FTCDNL1: variants seen among roughly 807,000 people sequenced by gnomAD.
FTCDNL1 encodes formiminotransferase cyclodeaminase N-terminal like.
Under a neutral mutation model 5.9 loss-of-function variants are expected in FTCDNL1, and 11 were observed. The ratio of observed to expected loss-of-function variants is 1.87; its 90% CI spans 1.18 to 3.10. FTCDNL1 has a LOEUF of 3.10. Ranked by LOEUF, FTCDNL1 falls within the 30% of genes most tolerant of loss-of-function variation. The probability of loss-of-function intolerance (pLI) is 0.00; values close to 1 mark genes in which losing one functional copy is unlikely to be tolerated. For missense variants in FTCDNL1, 115 were observed against 65.5 expected (o/e 1.76, Z -2.61); for synonymous variants, 58 against 24.8 (o/e 2.34, Z -3.99).
At chr2:199,720,608 T>C in the FTCDNL1 span, among the ~76,000 whole-genome samples, 6 of 152,226 alleles carry the variant, frequency 3.9e-5, no homozygotes, top group Non-Finnish European at 7.3e-5. Flanking sequence ...TCACTGCTTT[T>C]ATCTTCACAT....
the FTCDNL1 span, among the ~76,000 whole-genome samples, chr2:199,712,346 A>G: frequency 6.6e-6 from 1 of 152,294 alleles, no homozygotes; most frequent in South Asian, 2.1e-4. Context: ...ATTAACTTCA[A>G]CTGGCACTTT....
chr2:199,788,248 T>G (rs1293344576), intron 3 of FTCDNL1, among the ~76,000 whole-genome samples: 1 of 152,176 alleles, frequency 6.6e-6, no homozygotes, highest in East Asian at 1.9e-4. Flanking sequence ...TGCTCTGCCC[T>G]CCCCAAAGGC....
the FTCDNL1 span, among the ~76,000 whole-genome samples, chr2:199,679,919 A>G: frequency 2.6e-5 from 4 of 152,188 alleles, no homozygotes; most frequent in Non-Finnish European, 5.9e-5. Flanking sequence ...TTTATTTTAT[A>G]TATGCATTCA....
chr2:199,768,728 C>T (rs1698659412), intron 3 of FTCDNL1, among the ~76,000 whole-genome samples: 2 of 152,110 alleles, frequency 1.3e-5, no homozygotes, highest in African/African-American at 4.8e-5. Flanking sequence ...GCATTGGAGG[C>T]CTACCAGGGT....
the FTCDNL1 span, among the ~76,000 whole-genome samples, chr2:199,665,252 G>A: frequency 6.6e-5 from 10 of 152,220 alleles, no homozygotes; most frequent in Middle Eastern, 3.4e-3. Context: ...TTCAGCCTCC[G>A]TCACCAGTGT....
chr2:199,770,083 T>C (rs1297854462), intron 3 of FTCDNL1, among the ~76,000 whole-genome samples: 1 of 152,180 alleles, frequency 6.6e-6, no homozygotes, highest in African/African-American at 2.4e-5. Flanking sequence ...TTGTCCTCTG[T>C]TTCAGGCCTC....
chr2:199,758,138 T>C (rs771152045), downstream of FTCDNL1, among the ~76,000 whole-genome samples: 14 of 152,020 alleles, frequency 9.2e-5, no homozygotes, highest in Admixed American at 3.3e-4. Context: ...ATTTTTATGA[T>C]CCTCAGAGGG....
intron 3 of FTCDNL1, among the ~76,000 whole-genome samples, chr2:199,776,537 A>G (rs796888766): frequency 1.1e-4 from 17 of 152,334 alleles, no homozygotes; most frequent in African/African-American, 3.8e-4. Context: ...TTAACTAAAC[A>G]TCTTGGCATC....
the FTCDNL1 span, among the ~76,000 whole-genome samples, chr2:199,735,121 A>AAAAAAC: frequency 2.0e-5 from 3 of 150,964 alleles, no homozygotes; most frequent in South Asian, 4.2e-4. Context: ...TTTAGAAAAA[A>AAAAAAC]AAAAAAAAAA....
chr2:199,674,525 A>G, the FTCDNL1 span, among the ~76,000 whole-genome samples: 1 of 152,194 alleles, frequency 6.6e-6, no homozygotes. Flanking sequence ...ATCACTCTTC[A>G]ATGCAATTTA....
At chr2:199,793,237 G>T (rs1700014997) in intron 3 of FTCDNL1, among the ~76,000 whole-genome samples, 1 of 152,124 alleles carries the variant, frequency 6.6e-6, no homozygotes, top group Admixed American at 6.6e-5. Flanking sequence ...AATAATACAT[G>T]AGATCAGAAA....
chr2:199,673,702 G>T, the FTCDNL1 span, among the ~76,000 whole-genome samples: 1 of 152,106 alleles, frequency 6.6e-6, no homozygotes, highest in Admixed American at 6.6e-5. Flanking sequence ...ATATAAGAAA[G>T]AAAAATAACC....
chr2:199,675,452 TAATA>T, the FTCDNL1 span, among the ~76,000 whole-genome samples: 6 of 152,194 alleles, frequency 3.9e-5, no homozygotes, highest in Admixed American at 3.9e-4. Context: ...TTAATCTTGT[TAATA>T]AATTAATTAA....
chr2:199,776,960 G>A (rs556213456), intron 3 of FTCDNL1, among the ~76,000 whole-genome samples: 597 of 12,366 alleles, frequency 0.048, 5 homozygotes, highest in African/African-American at 0.057. Flanking sequence ...GTGTGTATAT[G>A]TGTGTGTGTG....
chr2:199,740,328 G>A, the FTCDNL1 span, among the ~76,000 whole-genome samples: 1 of 152,224 alleles, frequency 6.6e-6, no homozygotes, highest in South Asian at 2.1e-4. Context: ...GGTGTTAATA[G>A]TTCAGAGTCT....
intron 3 of FTCDNL1, chr2:199,785,656 T>C (rs926761321): frequency 1.3e-5 from 2 of 152,196 alleles, no homozygotes; most frequent in African/African-American, 4.8e-5. Context: ...TGAATTTTTT[T>C]GTCTTTTAGA....
At chr2:199,804,605 C>T (rs935996612), downstream of FTCDNL1, among the ~76,000 whole-genome samples, 21 of 152,014 alleles carry the variant, frequency 1.4e-4, no homozygotes, top group African/African-American at 3.1e-4. Context: ...AAGGAAACTG[C>T]GAATTTGACA....
At chr2:199,733,470 G>A in the FTCDNL1 span, among the ~76,000 whole-genome samples, 6 of 152,150 alleles carry the variant, frequency 3.9e-5, no homozygotes, top group African/African-American at 9.7e-5. Flanking sequence ...GGAGCTGGCA[G>A]AATCAAATAT....
intron 3 of FTCDNL1, among the ~76,000 whole-genome samples, chr2:199,826,150 C>G (rs1702016254): frequency 6.6e-6 from 1 of 152,134 alleles, no homozygotes; most frequent in East Asian, 1.9e-4. Context: ...GTAGCACTGC[C>G]TAAGTTTATA....
Sources: allele counts gnomAD v4.1 joint callset (sites outside exome capture counted in the v4.1 genomes callset), GRCh38; gene constraint gnomAD v4.1.1; transcripts MANE v1.5; gene names NCBI Gene and HGNC (gene_info 2026-07-23, HGNC 2026-07-21).